DGKB: variants seen among roughly 807,000 people sequenced by gnomAD.
DGKB encodes diacylglycerol kinase beta, also known as 90 kDa diacylglycerol kinase.
In DGKB, 67 loss-of-function variants were observed where a neutral mutation model predicts 114.3. The ratio of observed to expected loss-of-function variants is 0.59; its 90% CI spans 0.48 to 0.72. DGKB has a LOEUF of 0.72. Among genes scored for constraint, DGKB ranks in the 30% least tolerant of loss-of-function variants. The pLI, the probability that DGKB is intolerant of heterozygous loss-of-function variation, is 0.00. For missense variants in DGKB, 907 were observed against 975.2 expected, an observed-to-expected ratio of 0.93 and a Z score of 0.93; for synonymous variants, 398 against 323.1, an observed-to-expected ratio of 1.23 and a Z score of -2.49.
rs3036019 is a variant in DGKB, at chr7:14,919,095, AACAC to A, written c.-188+55597_-188+55600del. ...ACACACACACACACACACACACACA[AACAC>A]ACACACACACACACACACACACACA... On this transcript the variant is annotated intron_variant, in intron 1 of 4. Transcript: ENST00000437998. Among the ~76,000 whole-genome samples the A allele has an allele frequency of 8.5e-3, 976 of 114,904 alleles. 5 individuals are homozygous for A. The highest frequency in any genetic ancestry group is 0.01 in the Non-Finnish European group (593 of 56,946). 75.4% of individuals were successfully genotyped at this position (114,904 alleles called of 152,430 possible).
At chr7:14,453,893 C>T (rs1041168876) in intron 21 of DGKB, among the ~76,000 whole-genome samples, 5 of 152,148 alleles carry the variant, frequency 3.3e-5, no homozygotes, top group Non-Finnish European at 2.9e-5. Flanking sequence ...TTGCTGACCC[C>T]TGATCTGTCT....
intron 23 of DGKB, among the ~76,000 whole-genome samples, chr7:14,290,269 T>A (rs558112387): frequency 1.3e-5 from 2 of 152,326 alleles, no homozygotes; most frequent in South Asian, 2.1e-4. Context: ...TCCCTCTTGA[T>A]GAAAGACATA....
intron 1 of DGKB, among the ~76,000 whole-genome samples, chr7:14,952,312 C>A (rs1562899315): frequency 6.6e-6 from 1 of 151,948 alleles, no homozygotes; most frequent in Non-Finnish European, 1.5e-5. Flanking sequence ...CCAAGCCACC[C>A]AATTTATGGT....
intron 12 of DGKB, among the ~76,000 whole-genome samples, 176 bp downstream of exon 12, chr7:14,682,377 G>A (rs1820987083): frequency 6.6e-6 from 1 of 152,058 alleles, no homozygotes; most frequent in Non-Finnish European, 1.5e-5. Flanking sequence ...ACTCTATGGG[G>A]ACAAATCTGA....
At chr7:14,211,488 A>ATTT (rs1361542393) in intron 23 of DGKB, among the ~76,000 whole-genome samples, 1 of 39,946 alleles carries the variant, frequency 2.5e-5, no homozygotes, top group Non-Finnish European at 4.1e-5. Context: ...ATGTTTTGTG[A>ATTT]TATTTACTCT....
intron 2 of DGKB, among the ~76,000 whole-genome samples, chr7:14,798,446 C>A (rs1215796604): frequency 1.6e-5 from 2 of 121,578 alleles, no homozygotes; most frequent in African/African-American, 8.6e-5. Flanking sequence ...GTGTCCACCA[C>A]CTGGCCTTTT....
intron 20 of DGKB, among the ~76,000 whole-genome samples, chr7:14,561,219 T>C (rs778263234): frequency 6.6e-6 from 1 of 152,218 alleles, no homozygotes; most frequent in South Asian, 2.1e-4. Context: ...AGAGTTCCCC[T>C]GCACACACTC....
chr7:14,191,862 T>C, intron 23 of DGKB: 1 of 506,676 alleles, frequency 2.0e-6, no homozygotes, highest in Non-Finnish European at 3.9e-6. Context: ...TGTCACACAG[T>C]TCACATTGCT....
At chr7:14,653,441 TG>T (rs1291822886) in intron 13 of DGKB, among the ~76,000 whole-genome samples, 1 of 150,162 alleles carries the variant, frequency 6.7e-6, no homozygotes, top group Non-Finnish European at 1.5e-5. Flanking sequence ...CACTCATAGG[TG>T]GGAATTGAAC....
At chr7:14,821,417 G>A (rs1194092584) in intron 2 of DGKB, among the ~76,000 whole-genome samples, 1 of 152,130 alleles carries the variant, frequency 6.6e-6, no homozygotes, top group African/African-American at 2.4e-5. Context: ...AAAATGAACA[G>A]GGTATTGATG....
intron 4 of DGKB, among the ~76,000 whole-genome samples, chr7:14,742,952 T>C (rs1832774609): frequency 6.6e-6 from 1 of 152,198 alleles, no homozygotes; most frequent in African/African-American, 2.4e-5. Flanking sequence ...CTAAATTTAA[T>C]ATTGCAAAAG....
chr7:14,948,916 T>A (rs1786024048), intron 1 of DGKB, among the ~76,000 whole-genome samples: 1 of 151,526 alleles, frequency 6.6e-6, no homozygotes, highest in South Asian at 2.1e-4. Context: ...GCCAAAAGAT[T>A]TGCATTTAAA....
At chr7:14,440,594 G>T (rs1351988991) in intron 21 of DGKB, among the ~76,000 whole-genome samples, 1 of 152,172 alleles carries the variant, frequency 6.6e-6, no homozygotes, top group Non-Finnish European at 1.5e-5. Context: ...TGTCACTGCT[G>T]ACTGATATTC....
intron 5 of DGKB, among the ~76,000 whole-genome samples, chr7:14,733,572 C>A (rs1831221300): frequency 6.6e-6 from 1 of 151,916 alleles, no homozygotes; most frequent in Non-Finnish European, 1.5e-5. Context: ...CTGTAGTTCC[C>A]AACTACTTGG....
intron 25 of DGKB, among the ~76,000 whole-genome samples, chr7:14,161,032 A>T (rs986999568): frequency 6.6e-6 from 1 of 152,342 alleles, no homozygotes; most frequent in African/African-American, 2.4e-5. Flanking sequence ...AAAAGAAGAC[A>T]TTTATGCAGC....
chr7:14,229,783 TTTG>T (rs1213090126), intron 23 of DGKB, among the ~76,000 whole-genome samples: 1 of 151,834 alleles, frequency 6.6e-6, no homozygotes, highest in Non-Finnish European at 1.5e-5. Flanking sequence ...AATAAAATAT[TTTG>T]TTAAGTGTAA....
chr7:14,403,234 T>G (rs1033196472), intron 21 of DGKB, among the ~76,000 whole-genome samples: 5 of 151,846 alleles, frequency 3.3e-5, no homozygotes, highest in Non-Finnish European at 5.9e-5. Context: ...AAGCCTGATA[T>G]TCTGGAACAG....
chr7:14,401,963 TAC>T lies in DGKB; in HGVS notation c.1836-56574_1836-56573del, dbSNP rs68097407. On this transcript the variant is annotated intron_variant, in intron 21 of 25. Coordinates refer to ENST00000402815, the MANE Select transcript of DGKB (RefSeq NM_001350709.2). ...GAAAAAAATAAAACACAATAATTTG[TAC>T]ACACACACACACACACACACACCCG... 1.1e-3 allele frequency among the ~76,000 whole-genome samples: 169 copies of T among 148,386 alleles called. 5 individuals carry two copies. The East Asian group carries it at 0.039, about 34-fold the overall frequency.
chr7:14,418,392 T>TGTGTATATATATATATATAC (rs1554421159), intron 21 of DGKB, among the ~76,000 whole-genome samples: 1 of 137,076 alleles, frequency 7.3e-6, no homozygotes, highest in African/African-American at 2.8e-5. Context: ...TATATATATA[T>TGTGTATATATATATATATAC]ACACACACAC....
Sources: gnomAD v4.1 joint callset for allele counts (sites outside exome capture counted in the v4.1 genomes callset) on GRCh38, gnomAD v4.1.1 for gene constraint, MANE v1.5 for transcripts, NCBI Gene and HGNC (gene_info 2026-07-23, HGNC 2026-07-21) for gene names.